Variants in INTS4 observed in about 807,000 individuals in gnomAD.
INTS4 encodes the protein MSTP093.
INTS4 carries 70 observed loss-of-function variants against 119.5 expected under a neutral mutation model. That is an observed-to-expected ratio of 0.59 (90% confidence interval 0.48 to 0.71). The LOEUF (loss-of-function observed/expected upper bound fraction) is 0.71. Ranked by LOEUF, INTS4 falls within the 30% of genes least tolerant of loss-of-function variation. The probability of loss-of-function intolerance (pLI) is 0.00; values close to 1 mark genes in which losing one functional copy is unlikely to be tolerated. For missense variants in INTS4, 867 were observed against 1,173.2 expected (o/e 0.74, Z 3.81); for synonymous variants, 316 against 419.6 (o/e 0.75, Z 3.02).
intron 21 of INTS4, among the ~76,000 whole-genome samples, chr11:77,887,163 A>G (rs1952049630): frequency 6.6e-6 from 1 of 152,236 alleles, no homozygotes; most frequent in South Asian, 2.1e-4. Flanking sequence ...TCCACCACCA[A>G]AAATCCTCAA....
chr11:77,888,238 G>A (rs186627460), intron 21 of INTS4, among the ~76,000 whole-genome samples: 1,674 of 152,244 alleles, frequency 0.011, 32 homozygotes, highest in African/African-American at 0.036. Flanking sequence ...ATAGATCAAT[G>A]GAACAGAACA....
chr11:77,928,339 C>T lies in INTS4; in HGVS notation c.1371+3G>A. 2 of 1,612,104 alleles carry T rather than the reference C, an allele frequency of 1.2e-6. No homozygotes were observed. The highest frequency in any genetic ancestry group is 2.2e-5 in the South Asian group (2 of 90,924). On this transcript the variant is annotated splice_donor_region_variant and intron_variant, in intron 11 of 22. Transcript: ENST00000534064. ...AAATGAGTAACAAATTAGAAACACT[C>T]ACCTCTAGCACAGCCAGGACAGTGT...
intron 8 of INTS4, among the ~76,000 whole-genome samples, chr11:77,954,718 A>G (rs1167808881): frequency 2.0e-5 from 3 of 152,160 alleles, no homozygotes; most frequent in African/African-American, 2.4e-5. Context: ...TCACACTCCT[A>G]TGATAATCTA....
At chr11:77,877,678 G>C (rs913132914), downstream of INTS4, among the ~76,000 whole-genome samples, 1 of 152,148 alleles carries the variant, frequency 6.6e-6, no homozygotes, top group African/African-American at 2.4e-5. Context: ...TAAATGACAG[G>C]TAAAGTACAT....
At chr11:77,910,415 G>A (rs1376165502) in intron 15 of INTS4, among the ~76,000 whole-genome samples, 3 of 149,174 alleles carry the variant, frequency 2.0e-5, no homozygotes, top group South Asian at 4.3e-4. Context: ...GACACAGGAA[G>A]GGGAACATCA....
chr11:77,925,289 C>T (rs1360740923), intron 11 of INTS4, among the ~76,000 whole-genome samples: 1 of 152,144 alleles, frequency 6.6e-6, no homozygotes, highest in Non-Finnish European at 1.5e-5. Flanking sequence ...TTTGTGGCAT[C>T]CCAAAACAAT....
At chr11:77,913,699 A>C (rs1459510916) in intron 15 of INTS4, among the ~76,000 whole-genome samples, 4 of 152,230 alleles carry the variant, frequency 2.6e-5, no homozygotes, top group Non-Finnish European at 5.9e-5. Context: ...GCCACATATC[A>C]TTACAATAAT....
At chr11:77,962,397 T>C (rs1036555120) in intron 4 of INTS4, among the ~76,000 whole-genome samples, 3 of 152,244 alleles carry the variant, frequency 2.0e-5, no homozygotes, top group Admixed American at 6.5e-5. Flanking sequence ...TTTAGTACTA[T>C]CAATATTTTT....
intron 6 of INTS4, 49 bp from the exon 7 acceptor site, chr11:77,958,883 A>C (rs766163486): frequency 1.7e-6 from 2 of 1,170,718 alleles, no homozygotes; most frequent in East Asian, 4.7e-5. Flanking sequence ...CCTCTCAGGC[A>C]ATGTTTAAAC....
chr11:77,957,927 C>T (rs766707443), intron 7 of INTS4, among the ~76,000 whole-genome samples: 2 of 151,946 alleles, frequency 1.3e-5, no homozygotes, highest in Non-Finnish European at 2.9e-5. Context: ...CCTCGGCCTC[C>T]GAAAGTGCTG....
In INTS4 at chr11:77,879,077, G is replaced by A. The variant is rs769182209; in HGVS notation, c.2764C>T (p.Arg922Cys). ...TCCATCCAGGGGCATTTTGGAATGC[G>A]AGCACTGGAGTTGTAGGCCAGCAGC... is the stretch of plus-strand genomic sequence containing the variant. ...RLLLAYNSSA[R>C]IPKCPWMEGG... Residue 922 changes from arginine to cysteine, a missense_variant, in exon 23 of 23, where the codon CGC becomes TGC. Arg to Cys is a radical substitution (Grantham distance 180). This residue lies in a region of INTS4 where 122 missense variants were observed against 133.2 expected (regional missense o/e 0.92). Coordinates refer to ENST00000534064, the MANE Select transcript of INTS4 (RefSeq NM_033547.4). 8.7e-6 allele frequency: 14 copies of A among 1,614,114 alleles called. No individual in the cohort carries two copies. The East Asian group carries it at 1.1e-4, about 13-fold the overall frequency.
intron 21 of INTS4, among the ~76,000 whole-genome samples, chr11:77,886,042 CA>C (rs946348263): frequency 1.3e-5 from 2 of 151,400 alleles, no homozygotes; most frequent in Non-Finnish European, 2.9e-5. Context: ...AATCTCCACA[CA>C]AAAAAAATTA....
chr11:77,973,447 T>C (rs1017395676), intron 4 of INTS4, among the ~76,000 whole-genome samples: 1 of 152,218 alleles, frequency 6.6e-6, no homozygotes, highest in Non-Finnish European at 1.5e-5. Context: ...AGTACAATGT[T>C]AAACAGAAGT....
At chr11:77,944,301 C>G (rs1047439649) in intron 8 of INTS4, among the ~76,000 whole-genome samples, 2 of 152,202 alleles carry the variant, frequency 1.3e-5, no homozygotes, top group African/African-American at 4.8e-5. Flanking sequence ...TACCTCGTTA[C>G]AGATCCCCTA....
At chr11:77,875,372 C>T (rs1951567485), downstream of INTS4, among the ~76,000 whole-genome samples, 2 of 152,264 alleles carry the variant, frequency 1.3e-5, no homozygotes, top group South Asian at 4.1e-4. Context: ...TGCCTGGAGA[C>T]ATGTTTTGTT....
intron 4 of INTS4, among the ~76,000 whole-genome samples, chr11:77,968,485 C>T (rs753838704): frequency 3.1e-4 from 47 of 151,978 alleles, no homozygotes; most frequent in African/African-American, 8.9e-4. Flanking sequence ...TTGTTAGGGA[C>T]GAGGGGATGG....
intron 2 of INTS4, among the ~76,000 whole-genome samples, chr11:77,984,969 A>G (rs1335779148): frequency 6.6e-6 from 1 of 150,942 alleles, no homozygotes; most frequent in Non-Finnish European, 1.5e-5. Flanking sequence ...TTCCTTATCC[A>G]TTTGGATACT....
chr11:77,917,978 G>C, intron 15 of INTS4: 1 of 688,452 alleles, frequency 1.5e-6, no homozygotes, highest in Non-Finnish European at 2.6e-6. Context: ...TAAAATTAGA[G>C]TGTACAACTT....
At chr11:77,966,735 T>C (rs1270289408) in intron 4 of INTS4, among the ~76,000 whole-genome samples, 22 of 152,226 alleles carry the variant, frequency 1.4e-4, no homozygotes, top group Non-Finnish European at 2.9e-5. Flanking sequence ...GCTTTGTTCT[T>C]TTTGTTCAAA....
Sources: gnomAD v4.1 joint callset for allele counts (sites outside exome capture counted in the v4.1 genomes callset) on GRCh38, gnomAD v4.1.1 for gene constraint, gnomAD v4.1.1 regional missense constraint, MANE v1.5 for transcripts, NCBI Gene and HGNC (gene_info 2026-07-23, HGNC 2026-07-21) for gene names.